The following ASAP1 variants were observed in gnomAD, a reference collection of about 807,000 sequenced individuals.
ASAP1 encodes arf-GAP with SH3 domain, ANK repeat and PH domain-containing protein 1.
A neutral mutation model predicts 145.2 loss-of-function variants in ASAP1; 43 were observed. The observed-to-expected ratio is 0.30, with a 90% CI of 0.23 to 0.38. ASAP1 has a LOEUF of 0.38. Ranked by LOEUF, ASAP1 falls within the 10% of genes least tolerant of loss-of-function variation. ASAP1 has a pLI of 1.00. For missense variants in ASAP1, 1,018 were observed against 1,355.3 expected (o/e 0.75, Z 3.91); for synonymous variants, 546 against 515.5 (o/e 1.06, Z -0.80).
intron 27 of ASAP1, among the ~76,000 whole-genome samples, chr8:130,065,321 A>G (rs2097428403): frequency 6.6e-6 from 1 of 152,132 alleles, no homozygotes. Flanking sequence ...CACGTGAGCG[A>G]GTTCTTCTTC....
intron 4 of ASAP1, among the ~76,000 whole-genome samples, chr8:130,218,315 C>T (rs1322094042): frequency 1.3e-5 from 2 of 152,132 alleles, no homozygotes; most frequent in African/African-American, 2.4e-5. Flanking sequence ...GGTATATAGG[C>T]TGCTTTCTTG....
intron 7 of ASAP1, among the ~76,000 whole-genome samples, chr8:130,184,016 T>C (rs1172007123): frequency 6.6e-6 from 1 of 152,214 alleles, no homozygotes; most frequent in African/African-American, 2.4e-5. Flanking sequence ...AGAAATATTA[T>C]TGACAGGTGT....
At chr8:130,071,048 A>AGAGAGAGAGAGAGAGAG (rs2097445313) in intron 27 of ASAP1, among the ~76,000 whole-genome samples, 2 of 59,324 alleles carry the variant, frequency 3.4e-5, no homozygotes, top group Non-Finnish European at 6.4e-5. Flanking sequence ...GAGAGAGAGA[A>AGAGAGAGAGAGAGAGAG]AGCAGAGTTT....
At chr8:130,151,551 T>C (rs2097646477) in intron 13 of ASAP1, among the ~76,000 whole-genome samples, 2 of 152,146 alleles carry the variant, frequency 1.3e-5, no homozygotes, top group Non-Finnish European at 2.9e-5. Flanking sequence ...GCTGGGCTGT[T>C]TGAGGGAAAT....
chr8:130,090,576 A>G (rs1000135153), intron 25 of ASAP1, among the ~76,000 whole-genome samples: 3 of 152,166 alleles, frequency 2.0e-5, no homozygotes, highest in African/African-American at 4.8e-5. Flanking sequence ...GCTTTCCTCT[A>G]AAGTCTGACA....
intron 1 of ASAP1, among the ~76,000 whole-genome samples, chr8:130,409,828 T>G (rs1259468604): frequency 6.6e-6 from 1 of 152,202 alleles, no homozygotes; most frequent in African/African-American, 2.4e-5. Flanking sequence ...TATACACTCA[T>G]GACAACTGTG....
At chr8:130,267,212 G>T (rs1219388753) in intron 3 of ASAP1, among the ~76,000 whole-genome samples, 1 of 151,174 alleles carries the variant, frequency 6.6e-6, no homozygotes, top group African/African-American at 2.4e-5. Flanking sequence ...TTGTAAAAAA[G>T]AATCTATTGC....
chr8:130,115,776 C>T (rs1249230377), intron 22 of ASAP1, 41 bp from the exon 23 acceptor site: 1 of 1,377,434 alleles, frequency 7.3e-7, no homozygotes, highest in East Asian at 2.3e-5. Context: ...AATTTAAATG[C>T]TGAAACATCC....
chr8:130,098,996 T>C (rs1356030074), intron 24 of ASAP1, among the ~76,000 whole-genome samples: 2 of 147,154 alleles, frequency 1.4e-5, no homozygotes, highest in African/African-American at 5.0e-5. Context: ...AGCTCAATAC[T>C]CTCTACTAAT....
chr8:130,062,179 G>A (rs567294515), intron 27 of ASAP1, among the ~76,000 whole-genome samples: 1 of 152,286 alleles, frequency 6.6e-6, no homozygotes, highest in South Asian at 2.1e-4. Context: ...TTTGGCTCCT[G>A]GCACAAGGGC....
chr8:130,234,427 C>T (rs914944114), intron 4 of ASAP1, among the ~76,000 whole-genome samples: 2 of 152,122 alleles, frequency 1.3e-5, no homozygotes, highest in Admixed American at 1.3e-4. Flanking sequence ...TGTACCACCC[C>T]CATCCACAAA....
intron 3 of ASAP1, among the ~76,000 whole-genome samples, chr8:130,354,503 C>G (rs1161710725): frequency 6.6e-6 from 1 of 152,170 alleles, no homozygotes; most frequent in Non-Finnish European, 1.5e-5. Flanking sequence ...GACAAAGGTA[C>G]TAAGTATTAG....
At chr8:130,205,194 T>C (rs80327240) in intron 5 of ASAP1, among the ~76,000 whole-genome samples, 1 of 152,186 alleles carries the variant, frequency 6.6e-6, no homozygotes, top group East Asian at 1.9e-4. Context: ...TCCTCTCACA[T>C]AGAACCAAAA....
intron 24 of ASAP1, among the ~76,000 whole-genome samples, chr8:130,097,983 A>T (rs1415942447): frequency 6.6e-6 from 1 of 152,200 alleles, no homozygotes; most frequent in East Asian, 1.9e-4. Flanking sequence ...CTAAAATCAT[A>T]ATCAGCATGC....
chr8:130,253,881 C>T (rs575114245), intron 3 of ASAP1, among the ~76,000 whole-genome samples: 14 of 152,126 alleles, frequency 9.2e-5, no homozygotes, highest in South Asian at 4.2e-4. Context: ...ATTAGCCAGC[C>T]GTGGCGGTGG....
chr8:130,064,401 G>T (rs1415011210), intron 27 of ASAP1, among the ~76,000 whole-genome samples: 1 of 152,146 alleles, frequency 6.6e-6, no homozygotes, highest in Non-Finnish European at 1.5e-5. Flanking sequence ...TTTAAGGCCT[G>T]AACACCTGGA....
chr8:130,190,114 T>C (rs768961268), intron 5 of ASAP1, among the ~76,000 whole-genome samples: 3 of 152,226 alleles, frequency 2.0e-5, no homozygotes, highest in Non-Finnish European at 2.9e-5. Flanking sequence ...ACTTTGTTGA[T>C]TGTTTCCTTT....
At chr8:130,408,677 C>G (rs866593596) in intron 1 of ASAP1, among the ~76,000 whole-genome samples, 3 of 152,098 alleles carry the variant, frequency 2.0e-5, no homozygotes, top group African/African-American at 4.8e-5. Context: ...TCTGAAGAAC[C>G]CTTTTACATA....
At chr8:130,246,576 T>C (rs752654333) in intron 3 of ASAP1, among the ~76,000 whole-genome samples, 5 of 152,170 alleles carry the variant, frequency 3.3e-5, no homozygotes, top group Admixed American at 6.6e-5. Context: ...AGGTGCTTGC[T>C]TCGTCTTTGC....
Sources: allele counts gnomAD v4.1 joint callset (sites outside exome capture counted in the v4.1 genomes callset), GRCh38; gene constraint gnomAD v4.1.1; transcripts MANE v1.5; gene names NCBI Gene and HGNC (gene_info 2026-07-23, HGNC 2026-07-21).